The following RAI1 variants were observed in gnomAD, a reference collection of about 807,000 sequenced individuals.
The protein encoded by RAI1 is retinoic acid-induced protein 1.
Under a neutral mutation model 123.8 loss-of-function variants are expected in RAI1, and 9 were observed. The ratio of observed to expected loss-of-function variants is 0.07; its 90% CI spans 0.04 to 0.13. The LOEUF (loss-of-function observed/expected upper bound fraction) is 0.13. Ranked by LOEUF, RAI1 falls within the 10% of genes least tolerant of loss-of-function variation. The pLI is 1.00. For synonymous variants in RAI1, 1,231 were observed against 1,127.3 expected (o/e 1.09, Z -1.84); for missense variants, 2,256 against 2,545.8 (o/e 0.89, Z 2.45).
chr17:17,695,111 C>T (rs999826658), intron 1 of RAI1, among the ~76,000 whole-genome samples: 3 of 152,178 alleles, frequency 2.0e-5, no homozygotes, highest in African/African-American at 7.2e-5. Context: ...GGAGACTGGA[C>T]CCCTACCGCT....
At chr17:17,684,834 T>C (rs1393478353) in intron 1 of RAI1, 1 of 151,952 alleles carries the variant, frequency 6.6e-6, no homozygotes, top group Non-Finnish European at 1.5e-5. Flanking sequence ...GAGAGGTTGG[T>C]TGTGTGGCGA....
chr17:17,767,304 C>G (rs1415236519), intron 2 of RAI1, among the ~76,000 whole-genome samples: 1 of 152,132 alleles, frequency 6.6e-6, no homozygotes, highest in Non-Finnish European at 1.5e-5. Flanking sequence ...AATCCCCACA[C>G]CGTATCTATG....
At chr17:17,742,444 C>T (rs568099336) in intron 2 of RAI1, among the ~76,000 whole-genome samples, 6 of 151,890 alleles carry the variant, frequency 4.0e-5, no homozygotes, top group African/African-American at 1.2e-4. Context: ...AATGAATGAA[C>T]GAGTGAATGA....
At chr17:17,778,982 G>C (rs535236083) in intron 2 of RAI1, 14 of 441,052 alleles carry the variant, frequency 3.2e-5, no homozygotes, top group South Asian at 2.2e-4. Context: ...AAAGTATTCT[G>C]TTCACTCTGG....
At position 17,811,307 on chromosome 17, in the gene RAI1, T is replaced by C. The variant is rs942143277; in HGVS notation, c.*1326T>C. 3.4e-6 allele frequency: 1 copy of C among 291,514 alleles called. No individual in the cohort carries two copies. Among genetic ancestry groups the C allele is most frequent in the Admixed American group, 4.4e-5 (1 of 22,474 alleles). 18.1% of individuals were successfully genotyped at this position (291,514 alleles called of 1,614,324 possible). A position where few individuals can be genotyped will look rare whatever the true frequency, so the allele number is the denominator to read the frequency against. ...TAAATGTTAAGACGACTAGTGTTCT[T>C]ATTAGTATATTGCTTCACACTGAAG... On this transcript the variant is annotated 3_prime_UTR_variant, in exon 6 of 6. Coordinates refer to ENST00000353383, the MANE Select transcript of RAI1 (RefSeq NM_030665.4).
chr17:17,741,347 G>A (rs567822405), intron 2 of RAI1, among the ~76,000 whole-genome samples: 5 of 152,294 alleles, frequency 3.3e-5, no homozygotes, highest in African/African-American at 7.2e-5. Flanking sequence ...CTCGCAGGGC[G>A]GGCTCGGCCA....
intron 2 of RAI1, among the ~76,000 whole-genome samples, chr17:17,762,991 C>T (rs1429153988): frequency 1.3e-5 from 2 of 151,582 alleles, no homozygotes; most frequent in Non-Finnish European, 2.9e-5. Context: ...GCTGGGATTC[C>T]GAGGCCAGAG....
At chr17:17,781,004 A>T (rs745858914) in intron 2 of RAI1, among the ~76,000 whole-genome samples, 9 of 152,068 alleles carry the variant, frequency 5.9e-5, no homozygotes, top group Non-Finnish European at 1.2e-4. Flanking sequence ...CCCAGGAGCT[A>T]GGAACCTGCC....
At chr17:17,724,406 C>CTT (rs771760855) in intron 2 of RAI1, among the ~76,000 whole-genome samples, 4,263 of 103,734 alleles carry the variant, frequency 0.041, 376 homozygotes, top group African/African-American at 0.14. Flanking sequence ...TCTTTCTTTC[C>CTT]TTTTTTTTTT....
chr17:17,725,577 C>T (rs1160727581), intron 2 of RAI1, among the ~76,000 whole-genome samples: 2 of 152,126 alleles, frequency 1.3e-5, no homozygotes, highest in African/African-American at 4.8e-5. Context: ...CACGCAGAAG[C>T]CCCCAGATTA....
rs1392240722 is a variant in RAI1, at chr17:17,809,890, G to A, written c.5710-80G>A. Reference sequence around the variant, plus strand: ...GTCGCCTGGGTCTGGGGCTTAGGCGGGGGGCCCACACTGGGGGCGGGGCCT... The same window carrying A: ...GTCGCCTGGGTCTGGGGCTTAGGCGAGGGGCCCACACTGGGGGCGGGGCCT... On this transcript the variant is annotated intron_variant, in intron 5 of 5. Coordinates refer to ENST00000353383, the MANE Select transcript of RAI1 (RefSeq NM_030665.4). This position sits in a 1 kb window ranked among gnomAD's most constrained non-coding sequence, Gnocchi z 4.9. The A allele has an allele frequency of 6.5e-7, 1 of 1,544,166 alleles. No individual in the cohort carries two copies. The highest frequency in any genetic ancestry group is 1.2e-5 in the South Asian group (1 of 83,890).
intron 1 of RAI1, among the ~76,000 whole-genome samples, chr17:17,713,496 C>T (rs1329184176): frequency 6.6e-6 from 1 of 152,100 alleles, no homozygotes; most frequent in Non-Finnish European, 1.5e-5. Context: ...AAAAATTTAG[C>T]TGGGCGTGGT....
At chr17:17,791,692 A>G (rs969554399) in intron 2 of RAI1, among the ~76,000 whole-genome samples, 2 of 152,194 alleles carry the variant, frequency 1.3e-5, no homozygotes, top group South Asian at 2.1e-4. Context: ...GACTCGGCCA[A>G]TGGCCAGCCC....
intron 2 of RAI1, among the ~76,000 whole-genome samples, chr17:17,786,281 G>A (rs778262567): frequency 2.4e-4 from 36 of 152,282 alleles, no homozygotes; most frequent in African/African-American, 8.2e-4. Context: ...GCTCTGTGTC[G>A]CCACTCCACT....
Position 17,796,608 on chromosome 17 carries a change from T to A in RAI1, c.3660T>A (p.His1220Gln), listed in dbSNP as rs745379131. 8.1e-5 allele frequency: 131 copies of A among 1,612,130 alleles called. 1 individual carries two copies. The highest frequency in any genetic ancestry group is 1.1e-4 in the Non-Finnish European group (128 of 1,179,908). ...GCAAGCTCTCTGACCGGCCCCTCCA[T>A]GCGCTCAAAAGGAAGTCGGCCTTCA... ...AGSKLSDRPLHALKRKSAFMA... is the reference protein window; with the variant it reads ...AGSKLSDRPLQALKRKSAFMA... The change falls in exon 3 of 6, where the codon CAT becomes CAA. Residue 1220 changes from histidine (H) to glutamine (Q), a missense_variant. His to Gln is a conservative substitution (Grantham distance 24, BLOSUM62 0). Transcript: ENST00000353383. This position sits in a 1 kb window ranked among gnomAD's most constrained non-coding sequence, Gnocchi z 5.8.
intron 1 of RAI1, among the ~76,000 whole-genome samples, chr17:17,707,748 A>G (rs899477993): frequency 1.3e-5 from 2 of 152,138 alleles, no homozygotes; most frequent in South Asian, 2.1e-4. Flanking sequence ...GCGTGCCACC[A>G]TGCCCTACTA....
intron 2 of RAI1, among the ~76,000 whole-genome samples, chr17:17,774,357 T>C (rs900537713): frequency 6.6e-6 from 1 of 152,236 alleles, no homozygotes; most frequent in Non-Finnish European, 1.5e-5. Context: ...TTCCAAAGAC[T>C]CCTGAGGCCC....
chr17:17,798,902 G>A (rs1023900160), intron 3 of RAI1, among the ~76,000 whole-genome samples: 4 of 152,184 alleles, frequency 2.6e-5, no homozygotes, highest in Non-Finnish European at 4.4e-5. Context: ...GGGCTGCCCC[G>A]GGCGGTGCAA....
intron 2 of RAI1, among the ~76,000 whole-genome samples, chr17:17,738,280 C>T (rs889298574): frequency 1.4e-4 from 11 of 77,860 alleles, no homozygotes; most frequent in African/African-American, 2.5e-4. Flanking sequence ...CCACATCTGG[C>T]GGGCACTGAG....
Sources: allele counts gnomAD v4.1 joint callset (sites outside exome capture counted in the v4.1 genomes callset), GRCh38; gene constraint gnomAD v4.1.1; non-coding constraint Gnocchi (gnomAD v3.1); transcripts MANE v1.5; gene names NCBI Gene and HGNC (gene_info 2026-07-23, HGNC 2026-07-21).